SEMA6A: variants seen among roughly 807,000 people sequenced by gnomAD.
The protein encoded by SEMA6A is semaphorin 6A.
In SEMA6A, 25 loss-of-function variants were observed where a neutral mutation model predicts 96.8. That is an observed-to-expected ratio of 0.26 (90% CI 0.19 to 0.36). SEMA6A has a LOEUF of 0.36. SEMA6A is among the 10% of genes least tolerant of loss of function. The probability of loss-of-function intolerance (pLI) is 1.00; values close to 1 mark genes in which losing one functional copy is unlikely to be tolerated. For missense variants in SEMA6A, 1,363 were observed against 1,323.1 expected, an observed-to-expected ratio of 1.03 and a Z score of -0.47; for synonymous variants, 612 against 518.0, an observed-to-expected ratio of 1.18 and a Z score of -2.46.
chr5:116,466,488 C>T (rs1755765601), intron 18 of SEMA6A, among the ~76,000 whole-genome samples: 1 of 152,042 alleles, frequency 6.6e-6, no homozygotes, highest in Admixed American at 6.6e-5. Context: ...AAAAGGGGCT[C>T]CATCTTTATA....
chr5:116,467,681 G>C lies in SEMA6A; in HGVS notation c.1796C>G (p.Ser599Cys). ...CTTCCAGTCCAGCATTCCTCCCCTA[G>C]ACTCATACCCCTCTTGAGCCGTCGA... The part of the protein sequence containing the change: ...SDSTAQEGYE[S>C]RGGMLDWKHL... Residue 599 changes from serine to cysteine, a missense_variant, in exon 18 of 19, where the codon TCT (serine) becomes TGT (cysteine). By Grantham distance (112) the Ser-to-Cys change is moderately radical. Coordinates refer to ENST00000343348, the MANE Select transcript of SEMA6A (RefSeq NM_020796.5). 1 of 1,613,796 alleles carries C rather than the reference G, an allele frequency of 6.2e-7. No individual in the cohort carries two copies. The highest frequency in any genetic ancestry group is 8.5e-7 in the Non-Finnish European group (1 of 1,179,828).
intron 1 of SEMA6A, among the ~76,000 whole-genome samples, chr5:116,549,953 G>A (rs2112881984): frequency 6.6e-6 from 1 of 152,228 alleles, no homozygotes; most frequent in Non-Finnish European, 1.5e-5. Context: ...CAGTTACATT[G>A]CTCTTGGGCC....
intron 1 of SEMA6A, among the ~76,000 whole-genome samples, chr5:116,509,465 TAGTC>T (rs1195277836): frequency 6.6e-6 from 1 of 152,150 alleles, no homozygotes; most frequent in Non-Finnish European, 1.5e-5. Context: ...TTGGGCAAGT[TAGTC>T]AGCCTCACTA....
chr5:116,511,207 T>C (rs1758386756), intron 1 of SEMA6A, among the ~76,000 whole-genome samples: 1 of 152,206 alleles, frequency 6.6e-6, no homozygotes, highest in African/African-American at 2.4e-5. Flanking sequence ...ACTTAAATCA[T>C]CTCTAGATTA....
chr5:116,488,772 C>T lies in SEMA6A; in HGVS notation c.655+116G>A, dbSNP rs1009498664. On this transcript the variant is annotated intron_variant, in intron 8 of 18. Coordinates refer to ENST00000343348, the MANE Select transcript of SEMA6A (RefSeq NM_020796.5). ...AAAGATGCAATTTACATGTTTCTGT[C>T]TGTCAGAAGCCATTACTCAAATGAA... is the stretch of plus-strand genomic sequence containing the variant. 3.2e-6 allele frequency: 4 copies of T among 1,237,036 alleles called. No individual in the cohort carries two copies. The Admixed American group carries it at 1.0e-4, about 32-fold the overall frequency. 76.6% of individuals were successfully genotyped at this position (1,237,036 alleles called of 1,614,324 possible).
At chr5:116,507,534 C>T (rs575745031) in intron 1 of SEMA6A, among the ~76,000 whole-genome samples, 1 of 152,140 alleles carries the variant, frequency 6.6e-6, no homozygotes, top group East Asian at 1.9e-4. Flanking sequence ...GTTTATAAAC[C>T]TTGAGTGAGC....
At chr5:116,549,771 T>TCATA (rs1210041370) in intron 1 of SEMA6A, among the ~76,000 whole-genome samples, 2 of 152,156 alleles carry the variant, frequency 1.3e-5, no homozygotes, top group African/African-American at 4.8e-5. Flanking sequence ...ACCAAATCAT[T>TCATA]CATACTATGT....
chr5:116,521,280 G>T (rs905603764), intron 1 of SEMA6A, among the ~76,000 whole-genome samples: 6 of 152,164 alleles, frequency 3.9e-5, no homozygotes, highest in Non-Finnish European at 4.4e-5. Flanking sequence ...TGTTACTAAG[G>T]CTCGATTGCC....
At chr5:116,509,507 A>T (rs1415700108) in intron 1 of SEMA6A, among the ~76,000 whole-genome samples, 1 of 152,156 alleles carries the variant, frequency 6.6e-6, no homozygotes, top group Non-Finnish European at 1.5e-5. Flanking sequence ...CTGTAAAATG[A>T]AAGGATATGA....
intron 1 of SEMA6A, among the ~76,000 whole-genome samples, chr5:116,505,425 C>T (rs776508695): frequency 4.6e-5 from 7 of 150,538 alleles, no homozygotes; most frequent in Non-Finnish European, 7.4e-5. Flanking sequence ...TTTGGCACCA[C>T]TTCCAACACA....
chr5:116,474,684 G>A (rs186233690), intron 16 of SEMA6A, among the ~76,000 whole-genome samples: 6 of 152,130 alleles, frequency 3.9e-5, no homozygotes, highest in South Asian at 4.1e-4. Context: ...AGTTATGTCC[G>A]TGACTTCCGT....
In SEMA6A at chr5:116,446,697, C is replaced by A. The variant is rs559240638; in HGVS notation, c.3009G>T (p.Thr1003=). The part of the protein sequence containing the change: ...NSLTRSGLKR[T]PSLKPDVPPK... ...GGGGTACGTCCGGCTTTAGCGAGGGCGTACGCTTCAGCCCCGACCTTGTCA... is the reference window on the plus strand; with the variant it reads ...GGGGTACGTCCGGCTTTAGCGAGGGAGTACGCTTCAGCCCCGACCTTGTCA... The change falls in exon 19 of 19, where the codon ACG becomes ACT. Residue 1003 remains threonine (T), a synonymous_variant. Transcript: ENST00000343348. 104 of 1,584,278 alleles carry A rather than the reference C, an allele frequency of 6.6e-5. No individual in the cohort carries two copies. The highest frequency in any genetic ancestry group is 4.3e-5 in the Non-Finnish European group (50 of 1,164,486).
intron 18 of SEMA6A, chr5:116,449,877 A>G (rs1350628557): frequency 6.6e-6 from 1 of 152,464 alleles, no homozygotes; most frequent in Non-Finnish European, 1.5e-5. Flanking sequence ...ATTTATCTCC[A>G]TCAGCTTTTA....
Position 116,505,361 on chromosome 5 carries a change from GCTT to G in SEMA6A, c.-38-382_-38-380del, listed in dbSNP as rs1214007735. Among the ~76,000 whole-genome samples the G allele has an allele frequency of 2.0e-5, 3 of 152,016 alleles. No homozygotes were observed. In the East Asian group the frequency reaches 5.8e-4, roughly 29 times the overall value. ...TTCTGATATTAATCTAGATTTTTCA[GCTT>G]CTTTGTAAAAATCAAAATACCTGCC... On this transcript the variant is annotated intron_variant, in intron 1 of 18. Transcript: ENST00000343348.
chr5:116,532,870 A>C (rs894800252), intron 1 of SEMA6A, among the ~76,000 whole-genome samples: 1 of 152,172 alleles, frequency 6.6e-6, no homozygotes, highest in Non-Finnish European at 1.5e-5. Context: ...AGCTCTTAGC[A>C]TTTTGTCACA....
In SEMA6A at chr5:116,447,593, G is replaced by A; in HGVS notation, c.2113C>T (p.Leu705Phe). 4 of 1,614,060 alleles carry A rather than the reference G, an allele frequency of 2.5e-6. No individual in the cohort carries two copies. The highest frequency in any genetic ancestry group is 3.4e-6 in the Non-Finnish European group (4 of 1,179,904). ...TGAGTGTCCCCAAAGAGGCCGCTGAGCTTGGTGACGCTGCTCATGGAGCCC... is the reference window on the plus strand; with the variant it reads ...TGAGTGTCCCCAAAGAGGCCGCTGAACTTGGTGACGCTGCTCATGGAGCCC... ...RRGSMSSVTK[L>F]SGLFGDTQSK... The change falls in exon 19 of 19, where the codon CTC becomes TTC. Residue 705 changes from leucine (L) to phenylalanine (F), a missense_variant. Coordinates refer to ENST00000343348, the MANE Select transcript of SEMA6A (RefSeq NM_020796.5).
intron 1 of SEMA6A, among the ~76,000 whole-genome samples, chr5:116,544,887 T>G (rs1760120131): frequency 6.6e-6 from 1 of 152,218 alleles, no homozygotes; most frequent in Non-Finnish European, 1.5e-5. Context: ...TATTCTTTGA[T>G]TCTCCATTTA....
chr5:116,557,887 A>C (rs1377364376), intron 1 of SEMA6A, among the ~76,000 whole-genome samples: 2 of 152,262 alleles, frequency 1.3e-5, no homozygotes, highest in African/African-American at 4.8e-5. Context: ...GCCTCCAAGT[A>C]AAGTTAGAAA....
Position 116,446,657 on chromosome 5 carries a change from C to G in SEMA6A, c.3049G>C (p.Ala1017Pro). 6.5e-7 allele frequency: 1 copy of G among 1,536,258 alleles called. No individual in the cohort carries two copies. The highest frequency in any genetic ancestry group is 8.8e-7 in the Non-Finnish European group (1 of 1,140,490). The change falls in exon 19 of 19, where the codon GCT (alanine) becomes CCT (proline). Residue 1017 changes from alanine (A) to proline (P), a missense_variant. Ala to Pro is a conservative substitution (Grantham distance 27). Coordinates refer to ENST00000343348, the MANE Select transcript of SEMA6A (RefSeq NM_020796.5). ...KPDVPPKPSF[A>P]PLSTSMKPND... ...GGCTTCATGGATGTGGAAAGGGGAG[C>G]AAAGGATGGTTTGGGGGGTACGTCC...
Sources: gnomAD v4.1 joint callset for allele counts (sites outside exome capture counted in the v4.1 genomes callset) on GRCh38, gnomAD v4.1.1 for gene constraint, MANE v1.5 for transcripts, NCBI Gene and HGNC (gene_info 2026-07-23, HGNC 2026-07-21) for gene names.